MEMO1: variants seen among roughly 807,000 people sequenced by gnomAD.
MEMO1 encodes the protein protein MEMO1.
In MEMO1, 6 loss-of-function variants were observed where a neutral mutation model predicts 45.2. The ratio of observed to expected loss-of-function variants is 0.13; its 90% CI spans 0.07 to 0.26. The LOEUF (loss-of-function observed/expected upper bound fraction) is 0.26, where lower values mean the gene tolerates loss of function less well. Among genes scored for constraint, MEMO1 ranks in the 10% least tolerant of loss-of-function variants. The pLI is 1.00. For synonymous variants in MEMO1, 78 were observed against 124.3 expected (o/e 0.63, Z 2.48); for missense variants, 184 against 370.5 (o/e 0.50, Z 4.13).
At chr2:31,932,358 T>G (rs576834284) in intron 3 of MEMO1, among the ~76,000 whole-genome samples, 32 of 152,326 alleles carry the variant, frequency 2.1e-4, no homozygotes, top group African/African-American at 7.7e-4. Flanking sequence ...TTGTAATTTT[T>G]TTTTGTCTGA....
intron 2 of MEMO1, among the ~76,000 whole-genome samples, chr2:32,002,438 C>G (rs1673523367): frequency 6.6e-6 from 1 of 150,612 alleles, no homozygotes; most frequent in Non-Finnish European, 1.5e-5. Flanking sequence ...CACACATATA[C>G]ATAATATACA....
chr2:31,946,826 G>GTA (rs1297053882), intron 2 of MEMO1, among the ~76,000 whole-genome samples: 1 of 152,130 alleles, frequency 6.6e-6, no homozygotes, highest in East Asian at 1.9e-4. Flanking sequence ...CCTGAAGAGA[G>GTA]TGAGACTCCA....
intron 8 of MEMO1, among the ~76,000 whole-genome samples, chr2:31,871,350 C>G (rs1428450463): frequency 1.3e-5 from 2 of 152,092 alleles, no homozygotes; most frequent in African/African-American, 2.4e-5. Flanking sequence ...AGATAAACAT[C>G]TGTTAAAAGT....
chr2:31,980,183 A>G (rs1670475327), intron 2 of MEMO1, among the ~76,000 whole-genome samples: 1 of 152,188 alleles, frequency 6.6e-6, no homozygotes, highest in South Asian at 2.1e-4. Flanking sequence ...TGTAATCCCA[A>G]TACTTTGAGG....
At chr2:31,879,904 C>G (rs892965693) in intron 8 of MEMO1, among the ~76,000 whole-genome samples, 2 of 152,100 alleles carry the variant, frequency 1.3e-5, no homozygotes, top group East Asian at 3.8e-4. Flanking sequence ...CTCTTATATT[C>G]CCTGTATTAG....
intron 8 of MEMO1, among the ~76,000 whole-genome samples, chr2:31,871,236 T>C (rs1420480296): frequency 6.6e-6 from 1 of 152,210 alleles, no homozygotes; most frequent in Non-Finnish European, 1.5e-5. Flanking sequence ...GAAATGCAAA[T>C]GGTGGTTTAA....
Position 31,992,372 on chromosome 2 carries a change from T to C in MEMO1, c.61+17815A>G, listed in dbSNP as rs149785087. On this transcript the variant is annotated intron_variant, in intron 2 of 9. Transcript: ENST00000404530. The stretch of plus-strand genomic sequence containing the variant: ...CATATGGCCCACAAAGCCTAAAATA[T>C]TCACTATCTGATCCTTTACAGAGAT... 9.7e-3 allele frequency among the ~76,000 whole-genome samples: 1,474 copies of C among 152,376 alleles called. 26 individuals are homozygous for C. The highest frequency in any genetic ancestry group is 0.048 in the South Asian group (231 of 4,830).
intron 2 of MEMO1, among the ~76,000 whole-genome samples, chr2:31,996,014 C>G (rs1462277724): frequency 6.6e-6 from 1 of 152,124 alleles, no homozygotes; most frequent in Admixed American, 6.5e-5. Context: ...ACCAAACTAC[C>G]TTTCAATAAA....
intron 3 of MEMO1, among the ~76,000 whole-genome samples, chr2:31,940,400 A>T (rs1665467577): frequency 6.6e-6 from 1 of 152,114 alleles, no homozygotes; most frequent in Non-Finnish European, 1.5e-5. Context: ...AAAACCAAAA[A>T]CCTAGATTCT....
At chr2:31,886,385 A>C (rs1676191182) in intron 7 of MEMO1, among the ~76,000 whole-genome samples, 1 of 152,232 alleles carries the variant, frequency 6.6e-6, no homozygotes, top group Admixed American at 6.5e-5. Flanking sequence ...TGTCATCATC[A>C]TAGCCTATAT....
intron 8 of MEMO1, among the ~76,000 whole-genome samples, chr2:31,871,496 T>TACAC (rs539321318): frequency 3.9e-5 from 1 of 25,518 alleles, no homozygotes; most frequent in South Asian, 2.9e-3. Context: ...ATATTCCATA[T>TACAC]ATACACACAC....
intron 2 of MEMO1, among the ~76,000 whole-genome samples, chr2:31,964,682 C>A (rs1363012697): frequency 6.6e-6 from 1 of 151,836 alleles, no homozygotes; most frequent in African/African-American, 2.4e-5. Flanking sequence ...GCTTGGGCAA[C>A]AGGAGCGAAA....
intron 2 of MEMO1, among the ~76,000 whole-genome samples, chr2:31,985,794 C>G (rs1228467842): frequency 6.6e-6 from 1 of 152,112 alleles, no homozygotes; most frequent in Non-Finnish European, 1.5e-5. Flanking sequence ...AATAATCTAG[C>G]AGAACAAAGT....
chr2:31,964,492 T>A (rs1260232583), intron 2 of MEMO1, among the ~76,000 whole-genome samples: 3 of 151,026 alleles, frequency 2.0e-5, no homozygotes, highest in Non-Finnish European at 4.4e-5. Context: ...AGGTCAGGAG[T>A]TCGAGATCAG....
chr2:31,911,420 G>A (rs927353569), intron 6 of MEMO1, among the ~76,000 whole-genome samples: 1 of 152,184 alleles, frequency 6.6e-6, no homozygotes, highest in Non-Finnish European at 1.5e-5. Context: ...TTAGGGCACT[G>A]AAACCATTCT....
chr2:31,996,398 T>C (rs746641625), intron 2 of MEMO1, among the ~76,000 whole-genome samples: 9 of 151,902 alleles, frequency 5.9e-5, no homozygotes, highest in African/African-American at 9.7e-5. Flanking sequence ...AAACAAAAAT[T>C]AGCTGGGTGT....
Position 31,916,365 on chromosome 2 carries a change from A to T in MEMO1, c.437+1561T>A, listed in dbSNP as rs113806434. 2.9e-3 allele frequency among the ~76,000 whole-genome samples: 435 copies of T among 152,192 alleles called. 4 individuals carry two copies. The highest frequency in any genetic ancestry group is 9.9e-3 in the African/African-American group (411 of 41,520). ...CACCCCAGCCTCCCAAGTAGCTGGG[A>T]CAACAAGCACCCGACACCACACACC... is the stretch of plus-strand genomic sequence containing the variant. On this transcript the variant is annotated intron_variant, in intron 6 of 9. Transcript: ENST00000404530.
chr2:31,973,154 C>A (rs1451940724), intron 2 of MEMO1, among the ~76,000 whole-genome samples: 1 of 152,060 alleles, frequency 6.6e-6, no homozygotes, highest in Non-Finnish European at 1.5e-5. Flanking sequence ...AGGTATATAT[C>A]TAAAAGAATT....
At chr2:31,943,444 G>A in intron 2 of MEMO1, 61 bp from the exon 3 acceptor site, 1 of 1,200,138 alleles carries the variant, frequency 8.3e-7, no homozygotes, top group Non-Finnish European at 1.2e-6. Flanking sequence ...ATAAACATAT[G>A]TGGCATAAAG....
Sources: allele counts gnomAD v4.1 joint callset (sites outside exome capture counted in the v4.1 genomes callset), GRCh38; gene constraint gnomAD v4.1.1; transcripts MANE v1.5; gene names NCBI Gene and HGNC (gene_info 2026-07-23, HGNC 2026-07-21).